The following EYA4 variants were observed in gnomAD, a reference collection of about 807,000 sequenced individuals.
The protein encoded by EYA4 is protein phosphatase EYA4.
In EYA4, 31 loss-of-function variants were observed where a neutral mutation model predicts 87.9. The observed-to-expected ratio is 0.35, with a 90% CI of 0.27 to 0.48. The LOEUF (loss-of-function observed/expected upper bound fraction) is 0.48, where lower values mean the gene tolerates loss of function less well. Ranked by LOEUF, EYA4 falls within the 20% of genes least tolerant of loss-of-function variation. The pLI is 0.99. For missense variants in EYA4, 678 were observed against 761.4 expected (o/e 0.89, Z 1.29); for synonymous variants, 263 against 270.6 (o/e 0.97, Z 0.28).
chr6:133,513,445 T>C (rs1799331059), intron 16 of EYA4, among the ~76,000 whole-genome samples: 1 of 152,160 alleles, frequency 6.6e-6, no homozygotes, highest in South Asian at 2.1e-4. Flanking sequence ...CTTTCTGGAA[T>C]CCCATCAAAA....
intron 2 of EYA4, among the ~76,000 whole-genome samples, chr6:133,290,103 A>G (rs1778367199): frequency 6.6e-6 from 1 of 152,200 alleles, no homozygotes; most frequent in African/African-American, 2.4e-5. Context: ...GCTAAGTGCT[A>G]TAAATGAATG....
intron 10 of EYA4, among the ~76,000 whole-genome samples, chr6:133,468,324 A>G (rs1053343785): frequency 1.3e-5 from 2 of 152,078 alleles, no homozygotes; most frequent in Non-Finnish European, 2.9e-5. Flanking sequence ...GCTAACTTTA[A>G]TCACATTAAA....
chr6:133,452,215 C>G (rs1343961550), intron 5 of EYA4, among the ~76,000 whole-genome samples: 5 of 152,036 alleles, frequency 3.3e-5, no homozygotes, highest in Non-Finnish European at 7.4e-5. Context: ...ACTAAGCTGT[C>G]AAAAGCCTCT....
chr6:133,426,297 G>A (rs1447983019), intron 3 of EYA4, among the ~76,000 whole-genome samples: 1 of 152,148 alleles, frequency 6.6e-6, no homozygotes, highest in East Asian at 1.9e-4. Flanking sequence ...AATATTTTGG[G>A]TGCTGAATAA....
intron 11 of EYA4, among the ~76,000 whole-genome samples, chr6:133,472,241 A>T: frequency 1.9e-5 from 1 of 52,240 alleles, no homozygotes; most frequent in Non-Finnish European, 3.4e-5. Flanking sequence ...AGTGCTATAA[A>T]TTTCCCTCTA....
intron 13 of EYA4, among the ~76,000 whole-genome samples, chr6:133,486,524 T>C (rs1206300135): frequency 6.6e-6 from 1 of 151,848 alleles, no homozygotes; most frequent in Non-Finnish European, 1.5e-5. Context: ...CTTGCTCTCA[T>C]GGAGCTTACA....
At chr6:133,273,733 T>C (rs1776928909) in intron 1 of EYA4, among the ~76,000 whole-genome samples, 1 of 152,204 alleles carries the variant, frequency 6.6e-6, no homozygotes, top group African/African-American at 2.4e-5. Context: ...TTACATTTCA[T>C]TGTGAATTTG....
intron 2 of EYA4, among the ~76,000 whole-genome samples, chr6:133,377,541 C>T (rs1054599055): frequency 1.4e-5 from 2 of 147,776 alleles, no homozygotes; most frequent in Admixed American, 6.8e-5. Context: ...AAAGAAACAA[C>T]GCAGAAGTTG....
intron 2 of EYA4, among the ~76,000 whole-genome samples, chr6:133,304,095 T>C (rs565967989): frequency 6.6e-6 from 1 of 152,312 alleles, no homozygotes; most frequent in Non-Finnish European, 1.5e-5. Context: ...GTGATGAGTA[T>C]GATATTATTG....
At position 133,484,671 on chromosome 6, in the gene EYA4, C is replaced by T. The variant is rs181619023; in HGVS notation, c.1191+1556C>T. Among the ~76,000 whole-genome samples the T allele has an allele frequency of 2.2e-4, 34 of 152,312 alleles. No individual in the cohort carries two copies. In the East Asian group the frequency reaches 4.4e-3, roughly 20 times the overall value. Reference sequence around the variant, plus strand: ...AAGAATTTATTCTAAGTAGTATTGGCTTATCAGAAGTACACAGTAAATCCT... The same window carrying T: ...AAGAATTTATTCTAAGTAGTATTGGTTTATCAGAAGTACACAGTAAATCCT... On this transcript the variant is annotated intron_variant, in intron 13 of 19. Coordinates refer to ENST00000355286, the MANE Select transcript of EYA4 (RefSeq NM_004100.5).
intron 3 of EYA4, among the ~76,000 whole-genome samples, chr6:133,422,704 TAAC>T (rs960274634): frequency 1.3e-5 from 2 of 152,236 alleles, no homozygotes; most frequent in African/African-American, 4.8e-5. Context: ...CATTCAATAA[TAAC>T]ATTTTGTAAA....
chr6:133,307,396 A>G (rs185407295), intron 2 of EYA4, among the ~76,000 whole-genome samples: 150 of 152,328 alleles, frequency 9.8e-4, no homozygotes, highest in African/African-American at 2.6e-3. Flanking sequence ...GTTGGGAAAA[A>G]TTCTTACTGG....
intron 11 of EYA4, among the ~76,000 whole-genome samples, chr6:133,475,253 A>G (rs1795623462): frequency 6.6e-6 from 1 of 152,090 alleles, no homozygotes; most frequent in Admixed American, 6.6e-5. Context: ...AGTAAAATTT[A>G]TATTGGGTAT....
Position 133,315,035 on chromosome 6 carries a change from C to T in EYA4, c.33+40222C>T, listed in dbSNP as rs568720700. 9.2e-5 allele frequency among the ~76,000 whole-genome samples: 14 copies of T among 152,262 alleles called. No homozygotes were observed. The South Asian group carries it at 2.7e-3, about 29-fold the overall frequency. ...ATAAACTGTTGCGTCTCCCCAGCTA[C>T]CCTCAGAGAAAACCACATGTCTAAG... On this transcript the variant is annotated intron_variant, in intron 2 of 19. Transcript: ENST00000355286.
intron 2 of EYA4, among the ~76,000 whole-genome samples, chr6:133,363,880 C>A (rs1037844678): frequency 6.6e-6 from 1 of 152,176 alleles, no homozygotes. Flanking sequence ...ATGGAAATGG[C>A]AAATTTAGGA....
chr6:133,326,587 T>C (rs796983215), intron 2 of EYA4, among the ~76,000 whole-genome samples: 11 of 152,356 alleles, frequency 7.2e-5, no homozygotes, highest in African/African-American at 2.6e-4. Flanking sequence ...GTTACTATTG[T>C]TGACACCCAC....
chr6:133,492,112 G>T (rs1425770487), intron 13 of EYA4, among the ~76,000 whole-genome samples: 1 of 151,976 alleles, frequency 6.6e-6, no homozygotes, highest in Non-Finnish European at 1.5e-5. Flanking sequence ...ATTCTACAGG[G>T]CTATTGTTAC....
At chr6:133,346,942 C>G (rs1481808872) in intron 2 of EYA4, among the ~76,000 whole-genome samples, 1 of 151,596 alleles carries the variant, frequency 6.6e-6, no homozygotes, top group Non-Finnish European at 1.5e-5. Context: ...TTTTAAAAAT[C>G]TTTGGTAATA....
intron 3 of EYA4, among the ~76,000 whole-genome samples, chr6:133,439,051 A>AAG (rs1490212761): frequency 1.6e-4 from 5 of 31,918 alleles, no homozygotes; most frequent in Non-Finnish European, 4.4e-4. Context: ...CTCCGTCTCA[A>AAG]AAAAAAAAAA....
Sources: gnomAD v4.1 joint callset for allele counts (sites outside exome capture counted in the v4.1 genomes callset) on GRCh38, gnomAD v4.1.1 for gene constraint, MANE v1.5 for transcripts, NCBI Gene and HGNC (gene_info 2026-07-23, HGNC 2026-07-21) for gene names.